LANCL3: variants seen among roughly 807,000 people sequenced by gnomAD.
The protein encoded by LANCL3 is lanC-like protein 3.
A neutral mutation model predicts 26.5 loss-of-function variants in LANCL3; 19 were observed. The observed-to-expected ratio is 0.72, with a 90% CI of 0.50 to 1.05. The LOEUF (loss-of-function observed/expected upper bound fraction) is 1.05, where lower values mean the gene tolerates loss of function less well. Among genes scored for constraint, LANCL3 ranks in the 50% least tolerant of loss-of-function variants. LANCL3 has a pLI of 0.00. For missense variants in LANCL3, 318 were observed against 362.7 expected (o/e 0.88, Z 1.00); for synonymous variants, 160 against 166.6 (o/e 0.96, Z 0.30).
At chrX:37,668,937 A>G (rs1249015538) in intron 4 of LANCL3, among the ~76,000 whole-genome samples, 1 of 112,401 alleles carries the variant, frequency 8.9e-6, no homozygotes, top group Non-Finnish European at 1.9e-5. Flanking sequence ...AATATGGAAA[A>G]TAGTGCCTAC....
intron 1 of LANCL3, among the ~76,000 whole-genome samples, chrX:37,623,715 A>T (rs1311339021): frequency 8.9e-6 from 1 of 111,893 alleles, no homozygotes; most frequent in African/African-American, 3.2e-5. Flanking sequence ...CAAGTGTACA[A>T]AAGAGTATAT....
chrX:37,579,519 C>A (rs1239782972), intron 1 of LANCL3, among the ~76,000 whole-genome samples: 1 of 110,991 alleles, frequency 9.0e-6, no homozygotes, highest in Non-Finnish European at 1.9e-5. Context: ...GAATGATGTC[C>A]CCAAATTTTA....
At chrX:37,580,243 C>T (rs1435626796) in intron 1 of LANCL3, among the ~76,000 whole-genome samples, 4 of 111,470 alleles carry the variant, frequency 3.6e-5, no homozygotes, top group Non-Finnish European at 7.5e-5. Flanking sequence ...TGGGCTATGG[C>T]TTAGACCCTT....
intron 1 of LANCL3, among the ~76,000 whole-genome samples, chrX:37,629,017 C>T (rs12390224): frequency 0.22 from 23,392 of 105,625 alleles, 2,494 homozygotes; most frequent in African/African-American, 0.38. Context: ...CCTGAGGAAT[C>T]GCCACACTGA....
chrX:37,602,636 G>C (rs1349070034), intron 1 of LANCL3, among the ~76,000 whole-genome samples: 1 of 111,590 alleles, frequency 9.0e-6, no homozygotes, highest in Admixed American at 9.5e-5. Context: ...AATTAGATTT[G>C]ATTGGAGTAG....
At chrX:37,613,068 C>T (rs1924920882) in intron 1 of LANCL3, among the ~76,000 whole-genome samples, 1 of 111,111 alleles carries the variant, frequency 9.0e-6, no homozygotes, top group African/African-American at 3.3e-5. Context: ...ATACCCTGAA[C>T]TTGATGAGAG....
In LANCL3 at chrX:37,659,552, G is replaced by T; in HGVS notation, c.788G>T (p.Ser263Ile). The T allele has an allele frequency of 8.3e-7, 1 of 1,209,541 alleles. No individual in the cohort carries two copies. Among genetic ancestry groups the T allele is most frequent in the Non-Finnish European group, 1.1e-6 (1 of 893,944 alleles). The change falls in exon 3 of 5, where the codon AGC becomes ATC. Residue 263 changes from serine to isoleucine, a missense_variant. Transcript: ENST00000378619. The stretch of plus-strand genomic sequence containing the variant: ...TCAGATCGGGAATTGGTATGGCAGA[G>T]CGTGGACTTTCTCATGGAACAGGAA... ...KPSDRELVWQ[S>I]VDFLMEQEQN...
At chrX:37,623,801 C>T (rs1925236941) in intron 1 of LANCL3, among the ~76,000 whole-genome samples, 1 of 112,039 alleles carries the variant, frequency 8.9e-6, no homozygotes, top group Non-Finnish European at 1.9e-5. Flanking sequence ...ACCAATTTTA[C>T]ATGTTTGTGA....
At chrX:37,621,261 G>A (rs1178275835) in intron 1 of LANCL3, among the ~76,000 whole-genome samples, 2 of 111,982 alleles carry the variant, frequency 1.8e-5, no homozygotes, top group African/African-American at 3.2e-5. Context: ...GTAATGCACT[G>A]TCTTTTATTA....
At chrX:37,635,219 G>C (rs1556425223) in intron 1 of LANCL3, among the ~76,000 whole-genome samples, 7 of 111,826 alleles carry the variant, frequency 6.3e-5, no homozygotes, top group Non-Finnish European at 1.9e-5. Flanking sequence ...CATCCAGACA[G>C]CTAAAGTAAC....
chrX:37,609,957 G>T (rs998922568), intron 1 of LANCL3, among the ~76,000 whole-genome samples: 4 of 112,171 alleles, frequency 3.6e-5, no homozygotes, highest in Non-Finnish European at 7.5e-5. Flanking sequence ...AAACCAAGAG[G>T]TATCAGTTAT....
chrX:37,633,269 A>C (rs1017749953), intron 1 of LANCL3, among the ~76,000 whole-genome samples: 4 of 110,470 alleles, frequency 3.6e-5, no homozygotes, highest in Non-Finnish European at 7.6e-5. Flanking sequence ...AGGCTTCTGC[A>C]TTCTTCACTT....
At chrX:37,630,789 C>G (rs782414852) in intron 1 of LANCL3, among the ~76,000 whole-genome samples, 12 of 110,056 alleles carry the variant, frequency 1.1e-4, no homozygotes, top group African/African-American at 3.0e-4. Context: ...CCTTGCATCC[C>G]AGGGATGAAG....
intron 1 of LANCL3, among the ~76,000 whole-genome samples, chrX:37,631,413 C>G (rs1925505942): frequency 9.0e-6 from 1 of 111,601 alleles, no homozygotes; most frequent in African/African-American, 3.3e-5. Context: ...CTCCTGGATT[C>G]ATTGATTTTT....
chrX:37,641,170 T>C (rs782194214), intron 1 of LANCL3, among the ~76,000 whole-genome samples: 94 of 111,188 alleles, frequency 8.5e-4, no homozygotes, highest in African/African-American at 2.9e-3. Context: ...AATGTCAACA[T>C]AACAAAACTG....
chrX:37,622,685 T>A (rs782517176), intron 1 of LANCL3, among the ~76,000 whole-genome samples: 3 of 112,119 alleles, frequency 2.7e-5, no homozygotes, highest in Non-Finnish European at 5.6e-5. Context: ...ACATGATATG[T>A]TATTGCACTG....
intron 1 of LANCL3, among the ~76,000 whole-genome samples, chrX:37,624,375 C>A (rs1925254103): frequency 8.9e-6 from 1 of 111,765 alleles, no homozygotes; most frequent in Non-Finnish European, 1.9e-5. Context: ...ATTTCTTGTT[C>A]ATGTCCTTTC....
intron 1 of LANCL3, among the ~76,000 whole-genome samples, chrX:37,646,731 A>G (rs1371250481): frequency 1.8e-5 from 2 of 111,124 alleles, no homozygotes; most frequent in Non-Finnish European, 3.8e-5. Flanking sequence ...GAAGCAAGAG[A>G]CACACCTCTG....
rs1192661345 is a variant in LANCL3 at position 37,681,427 on chromosome X, T to C, written c.*5614T>C. ...TTGTATTGGACAGTCCCATTCCTGT[T>C]TCCTAGTATTGATAAAGTCTTCCTA... On this transcript the variant is annotated 3_prime_UTR_variant, in exon 5 of 5. Transcript: ENST00000378619. 1 of 111,708 alleles carries C rather than the reference T, an allele frequency of 9.0e-6. No homozygotes were observed. Among genetic ancestry groups the C allele is most frequent in the African/African-American group, 3.3e-5 (1 of 30,693 alleles). The allele number at this position is 111,708 out of a possible 1,213,427, so 9.2% of individuals were successfully genotyped here.
Sources: allele counts gnomAD v4.1 joint callset (sites outside exome capture counted in the v4.1 genomes callset), GRCh38; gene constraint gnomAD v4.1.1; transcripts MANE v1.5; gene names NCBI Gene and HGNC (gene_info 2026-07-23, HGNC 2026-07-21).